The following PTPRJ variants were observed in gnomAD, a reference collection of about 807,000 sequenced individuals.
The protein encoded by PTPRJ is receptor-type tyrosine-protein phosphatase eta.
PTPRJ carries 129 observed loss-of-function variants against 141.3 expected under a neutral mutation model. The ratio of observed to expected loss-of-function variants is 0.91; its 90% CI spans 0.79 to 1.06. The LOEUF is 1.06. Ranked by LOEUF, PTPRJ falls within the 50% of genes least tolerant of loss-of-function variation. The pLI is 0.00. For missense variants in PTPRJ, 1,601 were observed against 1,679.7 expected, an observed-to-expected ratio of 0.95 and a Z score of 0.82; for synonymous variants, 610 against 640.5, an observed-to-expected ratio of 0.95 and a Z score of 0.72.
intron 1 of PTPRJ, among the ~76,000 whole-genome samples, chr11:48,059,181 G>A (rs57066976): frequency 0.071 from 10,142 of 142,700 alleles, 525 homozygotes; most frequent in African/African-American, 0.15. Flanking sequence ...GTAGAGCAAT[G>A]GCGTGATCTC....
At position 48,130,517 on chromosome 11, in the gene PTPRJ, A is replaced by G. The variant is rs1802646; in HGVS notation, c.1416A>G (p.Leu472=). 6.2e-7 allele frequency: 1 copy of G among 1,614,058 alleles called. No homozygotes were observed. The highest frequency in any genetic ancestry group is 1.3e-5 in the African/African-American group (1 of 75,052). ...VTVVSTTEIG[L]AWSSHDAESF... is the part of the protein sequence containing the mutation. ...TGGTCAGCACGACGGAGATCGGCTT[A>G]GCATGGAGCAGCCATGATGCAGAAT... Residue 472 remains leucine, a synonymous_variant, in exon 8 of 25, where the codon TTA becomes TTG. Transcript: ENST00000418331.
At chr11:48,093,512 G>A (rs1855923664) in intron 1 of PTPRJ, among the ~76,000 whole-genome samples, 1 of 152,132 alleles carries the variant, frequency 6.6e-6, no homozygotes. Context: ...GAGATGAATT[G>A]TTAAACTTTT....
chr11:48,100,350 C>T (rs751119515), intron 1 of PTPRJ, among the ~76,000 whole-genome samples: 8 of 152,124 alleles, frequency 5.3e-5, no homozygotes, highest in African/African-American at 1.4e-4. Flanking sequence ...TTTCACTGCT[C>T]GAACTCTCCT....
chr11:48,023,783 AAAATAAATAAATAAAT>A (rs151301730), intron 1 of PTPRJ, among the ~76,000 whole-genome samples: 28 of 149,188 alleles, frequency 1.9e-4, no homozygotes, highest in South Asian at 4.2e-4. Context: ...CTCGGACTCA[AAAATAAATAAATAAAT>A]AAATAAATAA....
In PTPRJ at chr11:48,168,670, C is replaced by T. The variant is rs1176737945; in HGVS notation, c.*1308C>T. ...AAAGATGTAATTATTATTTTTAAAA[C>T]CTTTTCACTATACTGCTGCTGTAAT... On this transcript the variant is annotated 3_prime_UTR_variant, in exon 25 of 25. Coordinates refer to ENST00000418331, the MANE Select transcript of PTPRJ (RefSeq NM_002843.4). 2 of 143,476 alleles carry T rather than the reference C, an allele frequency of 1.4e-5. No individual in the cohort carries two copies. Among genetic ancestry groups the T allele is most frequent in the Non-Finnish European group, 1.5e-5 (1 of 66,464 alleles). The allele number at this position is 143,476 out of a possible 1,614,324, so 8.9% of individuals were successfully genotyped here. A position where few individuals can be genotyped will look rare whatever the true frequency, so the allele number is the denominator to read the frequency against.
intron 1 of PTPRJ, among the ~76,000 whole-genome samples, chr11:48,083,416 T>C (rs1034787140): frequency 6.6e-6 from 1 of 152,038 alleles, no homozygotes; most frequent in Non-Finnish European, 1.5e-5. Context: ...GCAACAAGAG[T>C]GAAACTCTGT....
At chr11:48,026,148 A>T (rs1853803350) in intron 1 of PTPRJ, among the ~76,000 whole-genome samples, 1 of 152,196 alleles carries the variant, frequency 6.6e-6, no homozygotes, top group Non-Finnish European at 1.5e-5. Flanking sequence ...TCCTTGGTAG[A>T]TGATGAGGTC....
chr11:48,050,918 A>G (rs1854549028), intron 1 of PTPRJ, among the ~76,000 whole-genome samples: 1 of 151,754 alleles, frequency 6.6e-6, no homozygotes, highest in Non-Finnish European at 1.5e-5. Context: ...TAGTGGTCTT[A>G]TGTTTTATAC....
chr11:48,058,387 T>C (rs901926264), intron 1 of PTPRJ, among the ~76,000 whole-genome samples: 1 of 152,030 alleles, frequency 6.6e-6, no homozygotes, highest in Admixed American at 6.6e-5. Context: ...ACAATTTTTT[T>C]TTTGGTAGAG....
rs1396582448 is a variant in PTPRJ at position 48,053,491 on chromosome 11, T to A, written c.97-56567T>A. Among the ~76,000 whole-genome samples, 15 of 114,470 alleles carry A rather than the reference T, an allele frequency of 1.3e-4. No homozygotes were observed. The South Asian group carries it at 3.4e-3, about 26-fold the overall frequency. 75.1% of individuals were successfully genotyped at this position (114,470 alleles called of 152,430 possible). A position where few individuals can be genotyped will look rare whatever the true frequency, so the allele number is the denominator to read the frequency against. On this transcript the variant is annotated intron_variant, in intron 1 of 24. Transcript: ENST00000418331. The stretch of plus-strand genomic sequence containing the variant: ...TAATATATAAAAAATATATATAAAA[T>A]ATATATATAACTTCACGGAAACTCT...
chr11:48,007,484 C>A (rs1835316213), intron 1 of PTPRJ, among the ~76,000 whole-genome samples: 1 of 151,792 alleles, frequency 6.6e-6, no homozygotes, highest in Non-Finnish European at 1.5e-5. Flanking sequence ...CTTGGTGCAA[C>A]CTCCGTCTCC....
intron 1 of PTPRJ, among the ~76,000 whole-genome samples, chr11:48,042,013 A>G (rs1853919487): frequency 6.6e-6 from 1 of 150,952 alleles, no homozygotes; most frequent in African/African-American, 2.4e-5. Context: ...AGAGAGAGAG[A>G]GAGAGGAAGG....
Position 48,130,563 on chromosome 11 carries a change from C to T in PTPRJ, c.1462C>T (p.Gln488Ter). The change falls in exon 8 of 25, where the codon CAG becomes TAG. Residue 488 changes from glutamine to a stop codon, truncating the protein, a stop_gained. Coordinates refer to ENST00000418331, the MANE Select transcript of PTPRJ (RefSeq NM_002843.4). LOFTEE classifies it high-confidence loss of function. Reference sequence around the variant, plus strand: ...AGAATCATTTCAGATGCATATCACACAGGAGGGAGCTGGCAATTCTCGGGT... The same window carrying T: ...AGAATCATTTCAGATGCATATCACATAGGAGGGAGCTGGCAATTCTCGGGT... ...DAESFQMHIT[Q>*]EGAGNSRVEI... The T allele has an allele frequency of 1.2e-6, 2 of 1,614,116 alleles. No individual in the cohort carries two copies. Among genetic ancestry groups the T allele is most frequent in the Non-Finnish European group, 1.7e-6 (2 of 1,180,008 alleles).
intron 14 of PTPRJ, among the ~76,000 whole-genome samples, chr11:48,145,358 C>T (rs1177359340): frequency 6.6e-6 from 1 of 152,142 alleles, no homozygotes; most frequent in Admixed American, 6.6e-5. Context: ...GTTGTTCTTC[C>T]AATCTGCAAA....
At chr11:48,125,708 G>A (rs1003692933) in intron 6 of PTPRJ, among the ~76,000 whole-genome samples, 9 of 152,164 alleles carry the variant, frequency 5.9e-5, no homozygotes, top group African/African-American at 1.9e-4. Flanking sequence ...TGAAAAGAGC[G>A]GGAGGTGAAC....
chr11:48,092,353 A>T (rs1161432378), intron 1 of PTPRJ, among the ~76,000 whole-genome samples: 4 of 150,804 alleles, frequency 2.7e-5, no homozygotes, highest in Non-Finnish European at 5.9e-5. Flanking sequence ...AGGTGCTTCT[A>T]GCTACTGCTG....
intron 1 of PTPRJ, among the ~76,000 whole-genome samples, chr11:47,982,986 A>G (rs1287811845): frequency 1.3e-5 from 2 of 152,116 alleles, no homozygotes; most frequent in East Asian, 1.9e-4. Context: ...GTTCATTTTG[A>G]TAATGGATAT....
intron 1 of PTPRJ, among the ~76,000 whole-genome samples, chr11:47,993,883 C>T (rs986537708): frequency 2.7e-5 from 4 of 150,214 alleles, no homozygotes; most frequent in Non-Finnish European, 4.4e-5. Context: ...GGCTGGAGTG[C>T]GGTGGTGGGA....
intron 1 of PTPRJ, among the ~76,000 whole-genome samples, chr11:48,077,115 CTT>C (rs1855425830): frequency 6.6e-6 from 1 of 152,122 alleles, no homozygotes; most frequent in Non-Finnish European, 1.5e-5. Context: ...ATCCACCTGG[CTT>C]GGCCTCCCAA....
Sources: gnomAD v4.1 joint callset for allele counts (sites outside exome capture counted in the v4.1 genomes callset) on GRCh38, gnomAD v4.1.1 for gene constraint, MANE v1.5 for transcripts, NCBI Gene and HGNC (gene_info 2026-07-23, HGNC 2026-07-21) for gene names.